The following RAB27A variants were observed in gnomAD, a reference collection of about 807,000 sequenced individuals.
RAB27A encodes the protein RAB27A, member RAS oncogene family.
In RAB27A, 17 loss-of-function variants were observed where a neutral mutation model predicts 20.8. The observed-to-expected ratio is 0.82, with a 90% CI of 0.56 to 1.23. The LOEUF (loss-of-function observed/expected upper bound fraction) is 1.23. Ranked by LOEUF, RAB27A falls within the 50% of genes most tolerant of loss-of-function variation. The probability of loss-of-function intolerance (pLI) is 0.00; values close to 1 mark genes in which losing one functional copy is unlikely to be tolerated. For missense variants in RAB27A, 277 were observed against 266.7 expected, an observed-to-expected ratio of 1.04 and a Z score of -0.27; for synonymous variants, 85 against 92.8, an observed-to-expected ratio of 0.92 and a Z score of 0.48.
At chr15:55,223,606 G>C (rs1393902354) in intron 6 of RAB27A, among the ~76,000 whole-genome samples, 4 of 152,010 alleles carry the variant, frequency 2.6e-5, no homozygotes, top group Non-Finnish European at 5.9e-5. Context: ...TTGGAAAGAA[G>C]GCCTTACATA....
Position 55,205,466 on chromosome 15 carries a change from G to C in RAB27A, c.*41C>G, listed in dbSNP as rs1405163025. On this transcript the variant is annotated 3_prime_UTR_variant, in exon 7 of 7. Coordinates refer to ENST00000336787, the MANE Select transcript of RAB27A (RefSeq NM_183235.3). ...TGTATCAATCATAGAGAAGATCCCA[G>C]GCATGGGCCACCTGAACTACTATGT... is the stretch of plus-strand genomic sequence containing the variant. The C allele has an allele frequency of 1.3e-6, 2 of 1,585,384 alleles. No individual in the cohort carries two copies. The highest frequency in any genetic ancestry group is 1.7e-5 in the Admixed American group (1 of 59,998).
intron 6 of RAB27A, among the ~76,000 whole-genome samples, chr15:55,221,149 G>C (rs1047781475): frequency 6.6e-6 from 1 of 152,158 alleles, no homozygotes; most frequent in African/African-American, 2.4e-5. Context: ...TCCTAAGACC[G>C]AGGGCACAGG....
intron 2 of RAB27A, among the ~76,000 whole-genome samples, chr15:55,265,637 T>TAAAA (rs113697268): frequency 7.1e-6 from 1 of 140,502 alleles, no homozygotes; most frequent in South Asian, 2.3e-4. Context: ...TGCTCAAAAT[T>TAAAA]AAAAAAAAAA....
chr15:55,252,930 C>T (rs1341523857), intron 2 of RAB27A, among the ~76,000 whole-genome samples: 2 of 151,346 alleles, frequency 1.3e-5, no homozygotes, highest in East Asian at 3.9e-4. Flanking sequence ...GTCAAGAGAT[C>T]GAGACCAGCT....
chr15:55,304,342 C>G (rs1486714513), intron 2 of RAB27A, among the ~76,000 whole-genome samples: 3 of 151,420 alleles, frequency 2.0e-5, no homozygotes, highest in Non-Finnish European at 4.4e-5. Flanking sequence ...CCGCAGGGTC[C>G]TCTGCCTAGG....
chr15:55,247,334 C>T (rs1453111551), intron 2 of RAB27A, among the ~76,000 whole-genome samples: 1 of 151,804 alleles, frequency 6.6e-6, no homozygotes, highest in Non-Finnish European at 1.5e-5. Context: ...GATAGCACTG[C>T]TACCCCAGCC....
intron 6 of RAB27A, among the ~76,000 whole-genome samples, chr15:55,210,116 A>ATATTAGTGGAGTTGCTGGAT: frequency 7.0e-6 from 1 of 142,820 alleles, no homozygotes; most frequent in East Asian, 2.0e-4. Flanking sequence ...ACACACATAC[A>ATATTAGTGGAGTTGCTGGAT]CATATGTATA....
intron 1 of RAB27A, among the ~76,000 whole-genome samples, chr15:55,280,825 A>G (rs1042383713): frequency 2.6e-5 from 4 of 152,128 alleles, no homozygotes; most frequent in African/African-American, 9.7e-5. Context: ...TGTCCTTGCA[A>G]AGGACATGAA....
intron 6 of RAB27A, among the ~76,000 whole-genome samples, chr15:55,208,515 C>T (rs1254144491): frequency 6.6e-6 from 1 of 152,166 alleles, no homozygotes; most frequent in African/African-American, 2.4e-5. Context: ...CTCCACATGT[C>T]AGCTTTCTCC....
intron 6 of RAB27A, among the ~76,000 whole-genome samples, chr15:55,206,544 T>C (rs1894660770): frequency 1.3e-5 from 2 of 152,146 alleles, no homozygotes; most frequent in South Asian, 4.1e-4. Flanking sequence ...GGTTTTACCA[T>C]GTTGCCCAGG....
chr15:55,206,870 A>C (rs138084831), intron 6 of RAB27A, among the ~76,000 whole-genome samples: 1 of 152,276 alleles, frequency 6.6e-6, no homozygotes, highest in Non-Finnish European at 1.5e-5. Flanking sequence ...AACATATATC[A>C]TAAGCAAAGT....
chr15:55,221,603 G>C (rs1046936228), intron 6 of RAB27A, among the ~76,000 whole-genome samples: 6 of 152,098 alleles, frequency 3.9e-5, no homozygotes, highest in African/African-American at 1.2e-4. Context: ...CCAATGCCCA[G>C]GCTTTGTAAT....
intron 1 of RAB27A, among the ~76,000 whole-genome samples, chr15:55,314,801 G>T (rs987711616): frequency 2.6e-5 from 4 of 152,176 alleles, no homozygotes. Flanking sequence ...CATGCTCATG[G>T]ATAGGAAGAA....
At chr15:55,237,550 T>C (rs1896309589) in intron 2 of RAB27A, 1 of 152,190 alleles carries the variant, frequency 6.6e-6, no homozygotes, top group African/African-American at 2.4e-5. Context: ...GTCACCAGTA[T>C]TAATGACATA....
chr15:55,316,469 A>G (rs1176466169), intron 1 of RAB27A, among the ~76,000 whole-genome samples: 3 of 151,488 alleles, frequency 2.0e-5, no homozygotes, highest in African/African-American at 7.3e-5. Flanking sequence ...TAGGACAAAT[A>G]CCTAATGCCT....
intron 3 of RAB27A, among the ~76,000 whole-genome samples, chr15:55,234,438 C>A (rs956166506): frequency 1.3e-5 from 2 of 152,114 alleles, no homozygotes; most frequent in Non-Finnish European, 2.9e-5. Flanking sequence ...GTGGAAGACA[C>A]AGCCCATAAA....
chr15:55,240,147 C>A (rs914726389), intron 2 of RAB27A, among the ~76,000 whole-genome samples: 4 of 152,084 alleles, frequency 2.6e-5, no homozygotes, highest in African/African-American at 4.8e-5. Context: ...ATTCCTAGGG[C>A]CTGTTTTCCA....
chr15:55,313,363 T>C (rs1372758093), intron 2 of RAB27A, among the ~76,000 whole-genome samples: 1 of 152,144 alleles, frequency 6.6e-6, no homozygotes, highest in Non-Finnish European at 1.5e-5. Flanking sequence ...ATGATGATAC[T>C]ACACTCAAGC....
At chr15:55,292,388 C>T (rs1196447725), upstream of RAB27A, among the ~76,000 whole-genome samples, 1 of 152,222 alleles carries the variant, frequency 6.6e-6, no homozygotes, top group African/African-American at 2.4e-5. Context: ...AAACTCAGAA[C>T]TCAAGTTTTT....
Sources: allele counts gnomAD v4.1 joint callset (sites outside exome capture counted in the v4.1 genomes callset), GRCh38; gene constraint gnomAD v4.1.1; transcripts MANE v1.5; gene names NCBI Gene and HGNC (gene_info 2026-07-23, HGNC 2026-07-21).